Variants in NTN1 observed in about 807,000 individuals in gnomAD.
The protein encoded by NTN1 is netrin-1.
Under a neutral mutation model 54.2 loss-of-function variants are expected in NTN1, and 11 were observed. That is an observed-to-expected ratio of 0.20 (90% CI 0.13 to 0.34). NTN1 has a LOEUF of 0.34. NTN1 is among the 10% of genes least tolerant of loss of function. NTN1 has a pLI of 1.00. For synonymous variants in NTN1, 371 were observed against 382.0 expected (o/e 0.97, Z 0.33); for missense variants, 740 against 893.1 (o/e 0.83, Z 2.18).
At chr17:9,125,916 G>A (rs892811796) in intron 2 of NTN1, among the ~76,000 whole-genome samples, 2 of 152,120 alleles carry the variant, frequency 1.3e-5, no homozygotes. Context: ...TTTAATCTTC[G>A]CAGTCTTTAC....
chr17:9,037,409 T>C (rs1248214754), intron 2 of NTN1, among the ~76,000 whole-genome samples: 2 of 152,232 alleles, frequency 1.3e-5, no homozygotes, highest in East Asian at 3.8e-4. Flanking sequence ...ACTTTCTGAC[T>C]GTGAGCTTAT....
At chr17:9,238,134 C>T (rs1018584103) in intron 6 of NTN1, among the ~76,000 whole-genome samples, 1 of 152,084 alleles carries the variant, frequency 6.6e-6, no homozygotes, top group Non-Finnish European at 1.5e-5. Flanking sequence ...AGAGTGGCCC[C>T]CAGAGACGTT....
At chr17:9,021,774 G>GC (rs2091848884) in intron 1 of NTN1, among the ~76,000 whole-genome samples, 189 bp downstream of exon 1, 1 of 151,648 alleles carries the variant, frequency 6.6e-6, no homozygotes, top group Non-Finnish European at 1.5e-5. Context: ...GGCGGGACGC[G>GC]CCTGCTAGCA....
intron 2 of NTN1, among the ~76,000 whole-genome samples, chr17:9,162,293 C>T (rs537318568): frequency 1.3e-5 from 2 of 152,300 alleles, no homozygotes; most frequent in South Asian, 2.1e-4. Flanking sequence ...GGGGCTGAAA[C>T]GCTAGACGTT....
chr17:9,231,675 G>A (rs565085014), intron 6 of NTN1, among the ~76,000 whole-genome samples: 4 of 149,568 alleles, frequency 2.7e-5, no homozygotes, highest in Admixed American at 6.8e-5. Context: ...AGAAATGGGC[G>A]GTCTTTGAGA....
At chr17:9,220,705 C>T (rs1019834592) in intron 5 of NTN1, among the ~76,000 whole-genome samples, 4 of 152,012 alleles carry the variant, frequency 2.6e-5, no homozygotes, top group African/African-American at 7.3e-5. Context: ...TGCTAATTTC[C>T]CCTGTGACCT....
chr17:9,154,722 C>T (rs540481419), intron 2 of NTN1, among the ~76,000 whole-genome samples: 123 of 152,254 alleles, frequency 8.1e-4, no homozygotes, highest in Non-Finnish European at 1.5e-3. Flanking sequence ...AAATAGCATA[C>T]CAAATGGAGC....
intron 6 of NTN1, among the ~76,000 whole-genome samples, chr17:9,225,952 C>T (rs1205842862): frequency 6.6e-6 from 1 of 152,196 alleles, no homozygotes; most frequent in Admixed American, 6.5e-5. Flanking sequence ...ACCTTGCCCT[C>T]GTGTGGCTGA....
chr17:9,110,931 C>CTT (rs34319949), intron 2 of NTN1, among the ~76,000 whole-genome samples: 4,719 of 104,288 alleles, frequency 0.045, 483 homozygotes, highest in African/African-American at 0.16. Flanking sequence ...AATTCAGGAT[C>CTT]TTTTTTTTTT....
chr17:9,056,506 T>G (rs1463200485), intron 2 of NTN1, among the ~76,000 whole-genome samples: 1 of 152,152 alleles, frequency 6.6e-6, no homozygotes, highest in African/African-American at 2.4e-5. Context: ...GGCTAATGGG[T>G]ACAAAGCAGA....
intron 5 of NTN1, among the ~76,000 whole-genome samples, chr17:9,199,224 C>A (rs1904716960): frequency 6.6e-6 from 1 of 152,194 alleles, no homozygotes; most frequent in Admixed American, 6.5e-5. Context: ...CTCATTGCAA[C>A]CTCCGCTTCC....
chr17:9,215,250 TACAC>T (rs58245153), intron 5 of NTN1, among the ~76,000 whole-genome samples: 3,882 of 138,288 alleles, frequency 0.028, 61 homozygotes, highest in Middle Eastern at 0.058. Flanking sequence ...GCTAGATAGA[TACAC>T]ACACACACAC....
At chr17:9,057,899 A>G (rs1317263147) in intron 2 of NTN1, among the ~76,000 whole-genome samples, 1 of 152,044 alleles carries the variant, frequency 6.6e-6, no homozygotes, top group Non-Finnish European at 1.5e-5. Context: ...TTATTTGTTT[A>G]TTTTTGGAGA....
chr17:9,073,576 C>T (rs1352152024), intron 2 of NTN1, among the ~76,000 whole-genome samples: 1 of 152,224 alleles, frequency 6.6e-6, no homozygotes, highest in Non-Finnish European at 1.5e-5. Context: ...CCATAGAGAT[C>T]CTCCAGCATC....
chr17:9,192,952 C>T (rs1475823462), intron 5 of NTN1, among the ~76,000 whole-genome samples: 4 of 151,998 alleles, frequency 2.6e-5, no homozygotes, highest in South Asian at 2.1e-4. Context: ...TGGTGGCACG[C>T]GCCTGTAGTC....
chr17:9,172,568 A>G (rs1294098931), intron 3 of NTN1, among the ~76,000 whole-genome samples: 2 of 152,216 alleles, frequency 1.3e-5, no homozygotes, highest in African/African-American at 4.8e-5. Flanking sequence ...TTGAATATCA[A>G]AGATGTAAAT....
At chr17:9,183,418 TTTTCATTCGCCTCTAACTAAAAA>T (rs1169197185) in intron 5 of NTN1, 2 of 427,766 alleles carry the variant, frequency 4.7e-6, no homozygotes, top group Non-Finnish European at 9.5e-6. Context: ...CACATCTTCA[TTTTCATTCGCCTCTAACTAAAAA>T]TTTAGCATTT....
chr17:9,162,701 C>T, intron 2 of NTN1, 112 bp from the exon 3 acceptor site: 2 of 997,774 alleles, frequency 2.0e-6, no homozygotes, highest in Non-Finnish European at 3.0e-6. Flanking sequence ...GCCTGCCTGG[C>T]TCTGCTAGTG....
intron 2 of NTN1, among the ~76,000 whole-genome samples, chr17:9,153,555 G>A (rs985834148): frequency 6.6e-6 from 1 of 152,220 alleles, no homozygotes; most frequent in Non-Finnish European, 1.5e-5. Context: ...TTGGGGCTTT[G>A]AGAGGGGTTT....
Sources: allele counts gnomAD v4.1 joint callset (sites outside exome capture counted in the v4.1 genomes callset), GRCh38; gene constraint gnomAD v4.1.1; transcripts MANE v1.5; gene names NCBI Gene and HGNC (gene_info 2026-07-23, HGNC 2026-07-21).